The following DDX3X variants were observed in gnomAD, a reference collection of about 807,000 sequenced individuals.
DDX3X encodes ATP-dependent RNA helicase DDX3X.
Under a neutral mutation model 52.7 loss-of-function variants are expected in DDX3X, and 4 were observed. That is an observed-to-expected ratio of 0.08 (90% confidence interval 0.04 to 0.17). DDX3X has a LOEUF of 0.17. DDX3X is among the 10% of genes least tolerant of loss of function. The pLI is 1.00. For missense variants in DDX3X, 222 were observed against 548.6 expected (o/e 0.40, Z 5.95); for synonymous variants, 192 against 178.1 (o/e 1.08, Z -0.62).
chrX:41,343,994 A>T lies in DDX3X; in HGVS notation c.766-36A>T, dbSNP rs759391220. On this transcript the variant is annotated intron_variant, in intron 8 of 16. Transcript: ENST00000644876. ...TTGTGATGAACTTTTCAAACAGGGT[A>T]GGTAGAGTTAACTTAAAAATTAACT... is the stretch of plus-strand genomic sequence containing the variant. 1.3e-5 allele frequency: 14 copies of T among 1,097,284 alleles called. No individual in the cohort carries two copies. In the African/African-American group the frequency reaches 2.2e-4, roughly 18 times the overall value. The allele number at this position is 1,097,284 out of a possible 1,213,427, so 90.4% of individuals were successfully genotyped here.
intron 1 of DDX3X, 35 bp downstream of exon 1, chrX:41,334,332 C>G: frequency 8.3e-7 from 1 of 1,203,430 alleles, no homozygotes. Flanking sequence ...CTGGCTGCTG[C>G]GTGAATTCCT....
chrX:41,356,367 A>G (rs2064008797), intron 5 of DDX3X, among the ~76,000 whole-genome samples: 1 of 109,812 alleles, frequency 9.1e-6, no homozygotes, highest in Non-Finnish European at 1.9e-5. Flanking sequence ...AGTTAGTCTC[A>G]AACTCCTGAC....
downstream of DDX3X, among the ~76,000 whole-genome samples, chrX:41,352,113 A>G (rs1049722723): frequency 9.2e-6 from 1 of 108,837 alleles, no homozygotes; most frequent in Non-Finnish European, 1.9e-5. Context: ...TGACAAATGG[A>G]TAAACTAAAT....
chrX:41,357,578 C>T (rs766621861), intron 5 of DDX3X, among the ~76,000 whole-genome samples: 1 of 110,966 alleles, frequency 9.0e-6, no homozygotes, highest in African/African-American at 3.3e-5. Flanking sequence ...TACAGGCACA[C>T]ACCACCACAC....
intron 1 of DDX3X, chrX:41,334,725 G>A (rs1002018209): frequency 2.0e-6 from 2 of 987,128 alleles, no homozygotes; most frequent in Non-Finnish European, 2.6e-6. Context: ...ATTCCCGTCC[G>A]GAGGACCTGG....
At chrX:41,355,846 T>C (rs914246065) in intron 5 of DDX3X, among the ~76,000 whole-genome samples, 5 of 110,228 alleles carry the variant, frequency 4.5e-5, no homozygotes, top group Non-Finnish European at 7.6e-5. Flanking sequence ...TTGTCTTAAT[T>C]TGCATTTCTC....
At chrX:41,333,915 G>A (rs1236575756), upstream of DDX3X, 1 of 203,034 alleles carries the variant, frequency 4.9e-6, no homozygotes, top group Non-Finnish European at 9.1e-6. Flanking sequence ...TTAGCGGAGA[G>A]CACGGGAAGT....
chrX:41,345,290 T>C lies in DDX3X; in HGVS notation c.1136T>C (p.Met379Thr). 1 of 1,211,246 alleles carries C rather than the reference T, an allele frequency of 8.3e-7. No homozygotes were observed. Among genetic ancestry groups the C allele is most frequent in the Non-Finnish European group, 1.1e-6 (1 of 895,037 alleles). Reference sequence around the variant, plus strand: ...CCTCCAAAGGGTGTCCGCCACACTATGATGTTTAGTGCTACTTTTCCTAAG... The same window carrying C: ...CCTCCAAAGGGTGTCCGCCACACTACGATGTTTAGTGCTACTTTTCCTAAG... ...TMPPKGVRHT[M>T]MFSATFPKEI... The change falls in exon 11 of 17, where the codon ATG becomes ACG. Residue 379 changes from methionine to threonine, a missense_variant. By Grantham distance (81) the Met-to-Thr change is moderately conservative (BLOSUM62 -1). Transcript: ENST00000644876.
intron 16 of DDX3X, 56 bp from the exon 17 acceptor site, chrX:41,347,584 G>T: frequency 3.5e-6 from 4 of 1,129,040 alleles, no homozygotes; most frequent in Non-Finnish European, 4.8e-6. Flanking sequence ...GGGAAGGATT[G>T]TATTTAATGA....
rs2063876333 is a variant in DDX3X at position 41,343,321 on chromosome X, A to G, written c.649A>G (p.Lys217Glu). 8.3e-7 allele frequency: 1 copy of G among 1,203,194 alleles called. No homozygotes were observed. Among genetic ancestry groups the G allele is most frequent in the Non-Finnish European group, 1.1e-6 (1 of 893,421 alleles). ...QKHAIPIIKE[K>E]RDLMACAQTG... ...GCATGCTATTCCTATTATCAAAGAG[A>G]AAAGAGACTTGATGGCTTGTGCCCA... The change falls in exon 7 of 17, where the codon AAA (lysine) becomes GAA (glutamate). Residue 217 changes from lysine to glutamate, a missense_variant. Physicochemically the swap from Lys to Glu is moderately conservative, Grantham distance 56 (BLOSUM62 1). This residue lies in a region of DDX3X where 73 missense variants were observed against 301.4 expected (regional missense o/e 0.24). Coordinates refer to ENST00000644876, the MANE Select transcript of DDX3X (RefSeq NM_001356.5).
chrX:41,344,925 AC>A (rs1266851308), intron 10 of DDX3X, among the ~76,000 whole-genome samples: 1 of 111,856 alleles, frequency 8.9e-6, no homozygotes, highest in African/African-American at 3.3e-5. Context: ...GTTGAGACTT[AC>A]AACAATGATC....
chrX:41,362,079 T>A (rs1337956557), intron 5 of DDX3X, among the ~76,000 whole-genome samples: 1 of 81,210 alleles, frequency 1.2e-5, no homozygotes, highest in Non-Finnish European at 2.3e-5. Flanking sequence ...AGCCAAATAA[T>A]TAACTTTTTT....
chrX:41,347,309 T>A lies in DDX3X; in HGVS notation c.1770-3T>A. 5 of 1,202,751 alleles carry A rather than the reference T, an allele frequency of 4.2e-6. No individual in the cohort carries two copies. The highest frequency in any genetic ancestry group is 5.6e-6 in the Non-Finnish European group (5 of 890,256). ...GTGAACCAACATAATTTTTTTCTTA[T>A]AGTAGCAGATTTAGTGGAGGGTTTG... On this transcript the variant is annotated splice_polypyrimidine_tract_variant and splice_region_variant and intron_variant, in intron 15 of 16. Coordinates refer to ENST00000644876, the MANE Select transcript of DDX3X (RefSeq NM_001356.5).
At chrX:41,354,647 C>G (rs2064001435), downstream of DDX3X, among the ~76,000 whole-genome samples, 1 of 110,424 alleles carries the variant, frequency 9.1e-6, no homozygotes, top group South Asian at 3.8e-4. Context: ...TAAATCGTAT[C>G]TGTCCCCTTC....
intron 7 of DDX3X, 155 bp from the exon 8 acceptor site, chrX:41,343,582 C>A: frequency 1.8e-6 from 1 of 544,424 alleles, no homozygotes; most frequent in Non-Finnish European, 2.9e-6. Context: ...TTTGCTGACT[C>A]CTCTTAGAGG....
intron 12 of DDX3X, 183 bp downstream of exon 12, chrX:41,345,731 C>T (rs144298971): frequency 1.4e-4 from 58 of 417,604 alleles, no homozygotes; most frequent in East Asian, 1.1e-3. Flanking sequence ...CCCTTGCTTC[C>T]GGGAGGTTAC....
At chrX:41,339,262 C>T (rs1039292753) in intron 3 of DDX3X, 179 bp downstream of exon 3, 6 of 223,372 alleles carry the variant, frequency 2.7e-5, no homozygotes, top group South Asian at 2.2e-4. Flanking sequence ...TCTAATGTTA[C>T]GCAGTGGGAA....
downstream of DDX3X, among the ~76,000 whole-genome samples, chrX:41,352,620 T>G (rs2063993393): frequency 9.0e-6 from 1 of 111,448 alleles, no homozygotes; most frequent in Non-Finnish European, 1.9e-5. Flanking sequence ...TAATTTAGAT[T>G]AGTCTTTCCT....
intron 2 of DDX3X, 69 bp downstream of exon 2, chrX:41,337,534 G>C: frequency 1.0e-6 from 1 of 969,020 alleles, no homozygotes; most frequent in Non-Finnish European, 1.4e-6. Flanking sequence ...TTGGGCTTAT[G>C]TAAAATTTAA....
Sources: allele counts gnomAD v4.1 joint callset (sites outside exome capture counted in the v4.1 genomes callset), GRCh38; gene constraint gnomAD v4.1.1; regional missense constraint gnomAD v4.1.1; transcripts MANE v1.5; gene names NCBI Gene and HGNC (gene_info 2026-07-23, HGNC 2026-07-21).